Variants in CCND1 observed in about 807,000 individuals in gnomAD.
The protein encoded by CCND1 is G1/S-specific cyclin-D1.
A neutral mutation model predicts 26.1 loss-of-function variants in CCND1; 9 were observed. The observed-to-expected ratio is 0.35, with a 90% CI of 0.21 to 0.60. CCND1 has a LOEUF of 0.60. Ranked by LOEUF, CCND1 falls within the 20% of genes least tolerant of loss-of-function variation. The pLI is 0.79. For missense variants in CCND1, 335 were observed against 392.9 expected (o/e 0.85, Z 1.25); for synonymous variants, 194 against 166.1 (o/e 1.17, Z -1.29).
rs2120089162 is a variant in CCND1, at chr11:69,643,133, C to T, written c.301C>T (p.Leu101=). 6.2e-7 allele frequency: 1 copy of T among 1,610,406 alleles called. No individual in the cohort carries two copies. Among genetic ancestry groups the T allele is most frequent in the Non-Finnish European group, 8.5e-7 (1 of 1,178,670 alleles). Residue 101 remains leucine, a synonymous_variant, in exon 2 of 5, where the codon CTG becomes TTG. Coordinates refer to ENST00000227507, the MANE Select transcript of CCND1 (RefSeq NM_053056.3). ...GCCCGTGAAAAAGAGCCGCCTGCAG[C>T]TGCTGGGGGCCACTTGCATGTTCGT... ...LEPVKKSRLQ[L]LGATCMFVAS... is the part of the protein sequence containing the mutation.
At chr11:69,647,344 C>T (rs1381383861) in intron 3 of CCND1, among the ~76,000 whole-genome samples, 1 of 152,130 alleles carries the variant, frequency 6.6e-6, no homozygotes, top group Non-Finnish European at 1.5e-5. Flanking sequence ...TCTTCCTTCC[C>T]GAGTGAGCCA....
In CCND1 at chr11:69,651,982, C is replaced by T. The variant is rs1317273012; in HGVS notation, c.*700C>T. On this transcript the variant is annotated 3_prime_UTR_variant, in exon 5 of 5. Transcript: ENST00000227507. ...TAGCGTAGCGTGCCCGTGTGCATGT[C>T]CTTTGCGCCTGTGACCACCACCCCA... 2 of 233,056 alleles carry T rather than the reference C, an allele frequency of 8.6e-6. No homozygotes were observed. Among genetic ancestry groups the T allele is most frequent in the African/African-American group, 4.4e-5 (2 of 45,312 alleles). The allele number at this position is 233,056 out of a possible 1,614,324, so 14.4% of individuals were successfully genotyped here.
intron 4 of CCND1, among the ~76,000 whole-genome samples, chr11:69,648,542 A>G (rs937244341): frequency 3.3e-5 from 5 of 152,260 alleles, no homozygotes; most frequent in Non-Finnish European, 7.3e-5. Context: ...GGCTCCTGTG[A>G]GGTCCGAGAC....
Position 69,650,515 on chromosome 11 carries a change from G to A in CCND1, c.724-603G>A, listed in dbSNP as rs573191802. Among the ~76,000 whole-genome samples, 14 of 152,336 alleles carry A rather than the reference G, an allele frequency of 9.2e-5. No homozygotes were observed. In the East Asian group the frequency reaches 1.7e-3, roughly 19 times the overall value. On this transcript the variant is annotated intron_variant, in intron 4 of 4. Transcript: ENST00000227507. ...GAGCACCTCAGTGGCCGCAGTGGGT[G>A]GATGCATGCTGTGCCAGGCTGATGG...
intron 4 of CCND1, among the ~76,000 whole-genome samples, chr11:69,649,074 C>T (rs1765446481): frequency 6.6e-6 from 1 of 152,182 alleles, no homozygotes; most frequent in Non-Finnish European, 1.5e-5. Flanking sequence ...TCGGCCATGG[C>T]CTCCCTTGCA....
chr11:69,643,804 C>T (rs752504980), intron 2 of CCND1, 28 bp from the exon 3 acceptor site: 4 of 1,587,008 alleles, frequency 2.5e-6, no homozygotes, highest in East Asian at 2.3e-5. Flanking sequence ...CGCACCTCCC[C>T]TGATGGCCGC....
intron 3 of CCND1, among the ~76,000 whole-genome samples, chr11:69,645,547 G>A (rs917681773): frequency 6.6e-6 from 1 of 152,210 alleles, no homozygotes; most frequent in Non-Finnish European, 1.5e-5. Context: ...CCACTCCAGG[G>A]TGGGTCCCGA....
At position 69,653,153 on chromosome 11, in the gene CCND1, A is replaced by G; in HGVS notation, c.*1871A>G. The G allele has an allele frequency of 1.7e-6, 1 of 604,608 alleles. No individual in the cohort carries two copies. The highest frequency in any genetic ancestry group is 2.9e-6 in the Non-Finnish European group (1 of 340,564). 37.5% of individuals were successfully genotyped at this position (604,608 alleles called of 1,614,324 possible). A position where few individuals can be genotyped will look rare whatever the true frequency, so the allele number is the denominator to read the frequency against. On this transcript the variant is annotated 3_prime_UTR_variant, in exon 5 of 5. Coordinates refer to ENST00000227507, the MANE Select transcript of CCND1 (RefSeq NM_053056.3). The stretch of plus-strand genomic sequence containing the variant: ...TGTGGAGGCTGACGTGTGAGGGAGG[A>G]CAGGCGGGAGGAGGTGTGAGGAGGA...
intron 3 of CCND1, 106 bp downstream of exon 3, chr11:69,644,097 C>G (rs750552536): frequency 9.0e-7 from 1 of 1,105,314 alleles, no homozygotes; most frequent in East Asian, 2.5e-5. Flanking sequence ...GAAGATGTCC[C>G]CAGACCCCCT....
chr11:69,643,745 C>T (rs931655532), intron 2 of CCND1, 87 bp from the exon 3 acceptor site: 2 of 1,311,002 alleles, frequency 1.5e-6, no homozygotes, highest in Non-Finnish European at 2.1e-6. Context: ...GGAGGTGCGG[C>T]GTGGCCCGGC....
chr11:69,641,821 C>T (rs1207940514), intron 1 of CCND1, among the ~76,000 whole-genome samples: 1 of 151,902 alleles, frequency 6.6e-6, no homozygotes, highest in Non-Finnish European at 1.5e-5. Context: ...AGGCTGGGTG[C>T]GCTTTGTGTC....
rs142756403 is a variant in CCND1, at chr11:69,643,075, C to A, written c.243C>A (p.Ala81=). 1 of 1,609,420 alleles carries A rather than the reference C, an allele frequency of 6.2e-7. No individual in the cohort carries two copies. The highest frequency in any genetic ancestry group is 2.2e-5 in the East Asian group (1 of 44,536). The part of the protein sequence containing the change: ...QKCEEEVFPL[A]MNYLDRFLSL... ...GCGAGGAGGAGGTCTTCCCGCTGGC[C>A]ATGAACTACCTGGACCGCTTCCTGT... The change falls in exon 2 of 5, where the codon GCC becomes GCA. Residue 81 remains alanine, a synonymous_variant. Transcript: ENST00000227507.
chr11:69,643,442 G>A (rs2120091531), intron 2 of CCND1, 196 bp downstream of exon 2: 2 of 487,232 alleles, frequency 4.1e-6, no homozygotes, highest in Admixed American at 8.7e-5. Context: ...CGCCCTGTGT[G>A]CGCTTGCCTG....
chr11:69,649,082 G>C (rs867678021), intron 4 of CCND1, among the ~76,000 whole-genome samples: 2 of 152,206 alleles, frequency 1.3e-5, no homozygotes, highest in Non-Finnish European at 2.9e-5. Flanking sequence ...GGCCTCCCTT[G>C]CACCCTGCCC....
intron 1 of CCND1, among the ~76,000 whole-genome samples, chr11:69,641,993 A>G (rs1175631467): frequency 6.6e-6 from 1 of 152,008 alleles, no homozygotes; most frequent in East Asian, 1.9e-4. Context: ...ATTGCAAAGC[A>G]AAAGTGTTTA....
intron 4 of CCND1, among the ~76,000 whole-genome samples, chr11:69,649,504 C>T (rs575600786): frequency 7.7e-4 from 118 of 152,322 alleles, no homozygotes; most frequent in Middle Eastern, 3.4e-3. Flanking sequence ...TCAGAAAAAC[C>T]GTCCACAGCA....
intron 3 of CCND1, among the ~76,000 whole-genome samples, chr11:69,645,984 G>A (rs768445724): frequency 4.6e-5 from 7 of 152,188 alleles, no homozygotes; most frequent in East Asian, 1.9e-4. Flanking sequence ...ACCAGGCAGC[G>A]GATAGGGTCA....
In CCND1 at chr11:69,651,358, C is replaced by T. The variant is rs957390352; in HGVS notation, c.*76C>T. 25 of 1,253,120 alleles carry T rather than the reference C, an allele frequency of 2.0e-5. No individual in the cohort carries two copies. In the African/African-American group the frequency reaches 3.6e-4, roughly 18 times the overall value. The allele number at this position is 1,253,120 out of a possible 1,614,324, so 77.6% of individuals were successfully genotyped here. A position where few individuals can be genotyped will look rare whatever the true frequency, so the allele number is the denominator to read the frequency against. On this transcript the variant is annotated 3_prime_UTR_variant, in exon 5 of 5. Transcript: ENST00000227507. ...GCCCCAGGTGCTCCCCTGACAGTCC[C>T]TCCTCTCCGGAGCATTTTGATACCA...
chr11:69,644,309 G>A, intron 3 of CCND1: 1 of 376,706 alleles, frequency 2.7e-6, no homozygotes, highest in South Asian at 3.1e-5. Flanking sequence ...TGCTGAAAGG[G>A]GTTTACCTTG....
Sources: gnomAD v4.1 joint callset for allele counts (sites outside exome capture counted in the v4.1 genomes callset) on GRCh38, gnomAD v4.1.1 for gene constraint, MANE v1.5 for transcripts, NCBI Gene and HGNC (gene_info 2026-07-23, HGNC 2026-07-21) for gene names.